Variants in DYM observed in about 807,000 individuals in gnomAD.
The protein encoded by DYM is dyggve-Melchior-Clausen syndrome protein.
A neutral mutation model predicts 93.1 loss-of-function variants in DYM; 78 were observed. The ratio of observed to expected loss-of-function variants is 0.84; its 90% confidence interval spans 0.70 to 1.01. DYM has a LOEUF of 1.01. Ranked by LOEUF, DYM falls within the 50% of genes least tolerant of loss-of-function variation. The pLI is 0.00. For synonymous variants in DYM, 321 were observed against 319.7 expected, an observed-to-expected ratio of 1.00 and a Z score of -0.04; for missense variants, 789 against 845.0, an observed-to-expected ratio of 0.93 and a Z score of 0.82.
chr18:49,415,851 T>G (rs937119477), intron 2 of DYM, among the ~76,000 whole-genome samples: 1 of 148,908 alleles, frequency 6.7e-6, no homozygotes, highest in Non-Finnish European at 1.5e-5. Flanking sequence ...CACTTGAACC[T>G]GGGAGGCAGA....
intron 14 of DYM, among the ~76,000 whole-genome samples, chr18:49,177,070 T>A (rs896015379): frequency 2.0e-5 from 3 of 152,118 alleles, no homozygotes; most frequent in Non-Finnish European, 2.9e-5. Flanking sequence ...AAATAGCAAA[T>A]CTGTCCAGTT....
intron 8 of DYM, among the ~76,000 whole-genome samples, chr18:49,316,764 CT>C (rs149932329): frequency 1.1e-4 from 16 of 148,966 alleles, no homozygotes; most frequent in Admixed American, 2.7e-4. Context: ...TACTATCTCT[CT>C]TTTTTTTTTG....
intron 17 of DYM, among the ~76,000 whole-genome samples, chr18:49,077,054 A>C (rs79127862): frequency 0.016 from 2,380 of 152,312 alleles, 23 homozygotes; most frequent in South Asian, 0.049. Flanking sequence ...CTCCAATTAC[A>C]ATTTAAAATT....
intron 1 of DYM, among the ~76,000 whole-genome samples, chr18:49,450,077 C>T (rs2082393528): frequency 6.6e-6 from 1 of 152,114 alleles, no homozygotes; most frequent in Admixed American, 6.6e-5. Context: ...AAGAGATTAT[C>T]TTAAATTTAA....
chr18:49,326,790 G>C (rs1428415443), intron 8 of DYM, among the ~76,000 whole-genome samples: 1 of 152,096 alleles, frequency 6.6e-6, no homozygotes, highest in Non-Finnish European at 1.5e-5. Flanking sequence ...TTAAAATACA[G>C]AGGAAAATAT....
intron 17 of DYM, among the ~76,000 whole-genome samples, chr18:49,050,037 A>C (rs994946783): frequency 7.0e-6 from 1 of 142,184 alleles, no homozygotes; most frequent in East Asian, 2.2e-4. Context: ...TTGGCCCTGG[A>C]GTGGGTTTAT....
chr18:49,273,615 T>C (rs1204764639), intron 10 of DYM, among the ~76,000 whole-genome samples: 1 of 152,162 alleles, frequency 6.6e-6, no homozygotes, highest in African/African-American at 2.4e-5. Flanking sequence ...GCCTGCAGTA[T>C]TTAGTACGGT....
At chr18:49,061,465 T>C (rs2075979145) in intron 17 of DYM, among the ~76,000 whole-genome samples, 1 of 152,166 alleles carries the variant, frequency 6.6e-6, no homozygotes, top group Non-Finnish European at 1.5e-5. Flanking sequence ...TTTATGGAGA[T>C]CTGCTGAGAC....
intron 4 of DYM, among the ~76,000 whole-genome samples, chr18:49,378,948 T>G (rs367923996): frequency 6.6e-6 from 1 of 152,180 alleles, no homozygotes; most frequent in Non-Finnish European, 1.5e-5. Context: ...TACTGATGAC[T>G]GTAGGAATGA....
intron 3 of DYM, among the ~76,000 whole-genome samples, chr18:49,385,850 T>C (rs2068560035): frequency 6.6e-6 from 1 of 151,656 alleles, no homozygotes; most frequent in Non-Finnish European, 1.5e-5. Flanking sequence ...AAGACAAGAC[T>C]GGATAAGAGT....
At chr18:49,075,522 T>C (rs536427705) in intron 17 of DYM, among the ~76,000 whole-genome samples, 1 of 151,486 alleles carries the variant, frequency 6.6e-6, no homozygotes, top group East Asian at 2.0e-4. Context: ...GAAAGAAGGA[T>C]TCAGTGAAGG....
At chr18:49,452,293 A>G (rs1600383796) in intron 1 of DYM, among the ~76,000 whole-genome samples, 1 of 152,190 alleles carries the variant, frequency 6.6e-6, no homozygotes, top group Non-Finnish European at 1.5e-5. Context: ...AAGAGTGAGC[A>G]GCAGCAAGAT....
rs751069269 is a variant in DYM at position 49,118,890 on chromosome 18, T to C, written c.1765A>G (p.Met589Val). The C allele has an allele frequency of 1.2e-6, 2 of 1,614,074 alleles. No individual in the cohort carries two copies. The highest frequency in any genetic ancestry group is 4.5e-5 in the East Asian group (2 of 44,848). The change falls in exon 16 of 18, where the codon ATG becomes GTG. Residue 589 changes from methionine (M) to valine (V), a missense_variant. Physicochemically the swap from Met to Val is conservative, Grantham distance 21. This residue lies in a region of DYM where 225 missense variants were observed against 303.0 expected (regional missense o/e 0.74). Transcript: ENST00000675505. ...CAGGAGTTGATGATCTCTAACATCA[T>C]TCGAATCACTTCTTCAATGACATTT... is the stretch of plus-strand genomic sequence containing the variant. ...DLNVIEEVIR[M>V]MLEIINSCLT...
At chr18:49,448,241 C>G (rs1484892706) in intron 1 of DYM, among the ~76,000 whole-genome samples, 1 of 152,132 alleles carries the variant, frequency 6.6e-6, no homozygotes, top group African/African-American at 2.4e-5. Context: ...CATTCAATCC[C>G]TAAGTTTTTT....
At chr18:49,170,838 G>T (rs1464630714) in intron 14 of DYM, among the ~76,000 whole-genome samples, 1 of 149,272 alleles carries the variant, frequency 6.7e-6, no homozygotes, top group African/African-American at 2.5e-5. Flanking sequence ...AGACCGAAAG[G>T]GTGAACAGAG....
intron 17 of DYM, among the ~76,000 whole-genome samples, chr18:49,076,420 T>C (rs1321405537): frequency 1.3e-5 from 2 of 152,210 alleles, no homozygotes. Flanking sequence ...ACAACACCAA[T>C]GTAATAACAA....
chr18:49,306,139 T>A lies in DYM; in HGVS notation c.764-19523A>T, dbSNP rs144491357. Among the ~76,000 whole-genome samples, 159 of 152,234 alleles carry A rather than the reference T, an allele frequency of 1.0e-3. 1 individual carries two copies. The highest frequency in any genetic ancestry group is 3.8e-3 in the African/African-American group (156 of 41,536). On this transcript the variant is annotated intron_variant, in intron 8 of 17. Coordinates refer to ENST00000675505, the MANE Select transcript of DYM (RefSeq NM_001353214.3). Reference sequence around the variant, plus strand: ...AATGCAGATGGAAGAGAAATGGAAATTCTAGGAGACCAAGATACATGAAGA... The same window carrying A: ...AATGCAGATGGAAGAGAAATGGAAAATCTAGGAGACCAAGATACATGAAGA...
chr18:49,403,175 T>C (rs1568384456), intron 2 of DYM, among the ~76,000 whole-genome samples: 1 of 152,236 alleles, frequency 6.6e-6, no homozygotes, highest in Admixed American at 6.5e-5. Flanking sequence ...CCTTCCCTTA[T>C]CTTCCCCTGC....
At chr18:49,097,874 G>GCTCGCTCT (rs1555753685) in intron 16 of DYM, among the ~76,000 whole-genome samples, 23 of 141,290 alleles carry the variant, frequency 1.6e-4, no homozygotes, top group African/African-American at 5.7e-4. Context: ...CTTAATATTA[G>GCTCGCTCT]CTCTCTCTCT....
Sources: gnomAD v4.1 joint callset for allele counts (sites outside exome capture counted in the v4.1 genomes callset) on GRCh38, gnomAD v4.1.1 for gene constraint, gnomAD v4.1.1 regional missense constraint, MANE v1.5 for transcripts, NCBI Gene and HGNC (gene_info 2026-07-23, HGNC 2026-07-21) for gene names.